HEMK2: variants seen among roughly 807,000 people sequenced by gnomAD.
The protein encoded by HEMK2 is methyltransferase HEMK2.
chr21:28,721,682 G>A, the HEMK2 span, among the ~76,000 whole-genome samples: 1 of 151,964 alleles, frequency 6.6e-6, no homozygotes, highest in Admixed American at 6.6e-5. Flanking sequence ...TACTTACTCT[G>A]AGCCAGGCAC....
chr21:28,581,751 G>A, the HEMK2 span, among the ~76,000 whole-genome samples: 2 of 152,116 alleles, frequency 1.3e-5, no homozygotes, highest in African/African-American at 4.8e-5. Context: ...GCAAGAAAGC[G>A]GTAAAAACTA....
the HEMK2 span, among the ~76,000 whole-genome samples, chr21:28,660,160 CTT>C: frequency 6.6e-6 from 1 of 151,790 alleles, no homozygotes; most frequent in African/African-American, 2.4e-5. Context: ...AATACAATGA[CTT>C]TGCTAAACTC....
chr21:28,732,315 A>T, the HEMK2 span, among the ~76,000 whole-genome samples: 9 of 152,240 alleles, frequency 5.9e-5, no homozygotes, highest in African/African-American at 2.2e-4. Flanking sequence ...TCTTTATTAA[A>T]TGGTATTTCA....
the HEMK2 span, among the ~76,000 whole-genome samples, chr21:28,648,891 C>A: frequency 6.6e-6 from 1 of 151,608 alleles, no homozygotes; most frequent in Non-Finnish European, 1.5e-5. Context: ...CCCAGTAACT[C>A]GTCATTTAAC....
the HEMK2 span, among the ~76,000 whole-genome samples, chr21:28,758,005 C>T: frequency 2.0e-5 from 3 of 152,166 alleles, no homozygotes; most frequent in Non-Finnish European, 4.4e-5. Flanking sequence ...CTTTGAGATT[C>T]ATTTTAAATA....
the HEMK2 span, among the ~76,000 whole-genome samples, chr21:28,617,339 C>G: frequency 1.3e-5 from 2 of 152,204 alleles, no homozygotes; most frequent in Non-Finnish European, 2.9e-5. Flanking sequence ...GAGATGCAAA[C>G]AAGGACCAAA....
At chr21:28,576,171 T>C in the HEMK2 span, among the ~76,000 whole-genome samples, 3 of 152,226 alleles carry the variant, frequency 2.0e-5, no homozygotes, top group Non-Finnish European at 4.4e-5. Flanking sequence ...TGCCAAACTA[T>C]TGCCCCAAGT....
chr21:28,651,899 A>G, the HEMK2 span, among the ~76,000 whole-genome samples: 1 of 152,220 alleles, frequency 6.6e-6, no homozygotes, highest in Non-Finnish European at 1.5e-5. Context: ...CAACTTGTTC[A>G]AATTCCAACA....
At chr21:28,878,185 G>T in the HEMK2 span, 1 of 1,561,032 alleles carries the variant, frequency 6.4e-7, no homozygotes, top group South Asian at 1.2e-5. Context: ...AAATTGGTCT[G>T]TATTACCTGG....
At chr21:28,656,857 A>C in the HEMK2 span, among the ~76,000 whole-genome samples, 1 of 152,134 alleles carries the variant, frequency 6.6e-6, no homozygotes, top group Non-Finnish European at 1.5e-5. Flanking sequence ...ACCATTGTGT[A>C]ACTTTGATAA....
chr21:28,705,443 A>G, the HEMK2 span, among the ~76,000 whole-genome samples: 1 of 150,426 alleles, frequency 6.6e-6, no homozygotes, highest in Non-Finnish European at 1.5e-5. Flanking sequence ...ATAGGTTCCC[A>G]TGTGTTCCTC....
At chr21:28,635,101 C>CTTTTTTTTTTTTT in the HEMK2 span, among the ~76,000 whole-genome samples, 1 of 142,900 alleles carries the variant, frequency 7.0e-6, no homozygotes, top group African/African-American at 2.6e-5. Flanking sequence ...ATGTCCTCAT[C>CTTTTTTTTTTTTT]TTTTTTTTTT....
the HEMK2 span, among the ~76,000 whole-genome samples, chr21:28,693,837 GAAGA>G: frequency 7.9e-4 from 121 of 152,270 alleles, 1 homozygote; most frequent in Non-Finnish European, 1.3e-3. Flanking sequence ...CAGAAAGAAG[GAAGA>G]AAGACTCTAA....
At chr21:28,817,042 G>A in the HEMK2 span, among the ~76,000 whole-genome samples, 5 of 152,202 alleles carry the variant, frequency 3.3e-5, no homozygotes, top group East Asian at 9.6e-4. Flanking sequence ...AAAATCCAGT[G>A]AAAAAGAAAA....
the HEMK2 span, among the ~76,000 whole-genome samples, chr21:28,708,915 A>G: frequency 6.6e-6 from 1 of 152,214 alleles, no homozygotes; most frequent in African/African-American, 2.4e-5. Flanking sequence ...TCAGGTAGCT[A>G]TAACAAAATA....
chr21:28,837,896 A>G, the HEMK2 span, among the ~76,000 whole-genome samples: 1 of 152,216 alleles, frequency 6.6e-6, no homozygotes, highest in Non-Finnish European at 1.5e-5. Flanking sequence ...AGATAGTTCA[A>G]GGCCACTATG....
chr21:28,728,737 C>CTGT, the HEMK2 span, among the ~76,000 whole-genome samples: 10 of 152,208 alleles, frequency 6.6e-5, no homozygotes, highest in African/African-American at 2.4e-4. Flanking sequence ...AGGAATTGAT[C>CTGT]TGTTGTATTT....
chr21:28,845,927 T>G, the HEMK2 span, among the ~76,000 whole-genome samples: 1 of 152,164 alleles, frequency 6.6e-6, no homozygotes, highest in South Asian at 2.1e-4. Context: ...ATAGGTAGTT[T>G]TAGAATCCAA....
At chr21:28,765,641 C>A in the HEMK2 span, among the ~76,000 whole-genome samples, 8 of 151,992 alleles carry the variant, frequency 5.3e-5, no homozygotes, top group Non-Finnish European at 8.8e-5. Flanking sequence ...TCCACCGACA[C>A]ACAATTCCTT....
Sources: gnomAD v4.1 joint callset for allele counts (sites outside exome capture counted in the v4.1 genomes callset) on GRCh38, gnomAD v4.1.1 for gene constraint, MANE v1.5 for transcripts, NCBI Gene and HGNC (gene_info 2026-07-23, HGNC 2026-07-21) for gene names.